Variants in H2BC18 observed in about 807,000 individuals in gnomAD.
H2BC18 encodes the protein histone H2B type 2-F.
A neutral mutation model predicts 6.3 loss-of-function variants in H2BC18; 8 were observed. The observed-to-expected ratio is 1.28, with a 90% CI of 0.75 to 2.31. H2BC18 has a LOEUF of 2.31. H2BC18 is among the 30% of genes most tolerant of loss of function. The pLI is 0.00. For missense variants in H2BC18, 106 were observed against 174.5 expected (o/e 0.61, Z 2.21); for synonymous variants, 104 against 78.1 (o/e 1.33, Z -1.75).
chr1:149,797,029 C>T (rs1553752855), intron 1 of H2BC18, among the ~76,000 whole-genome samples: 2 of 152,212 alleles, frequency 1.3e-5, no homozygotes, highest in African/African-American at 4.8e-5. Flanking sequence ...TCTCCTGCCT[C>T]AGCCTCCCAA....
chr1:149,811,744 G>A (rs2091977103), downstream of H2BC18: 1 of 676,326 alleles, frequency 1.5e-6, no homozygotes, highest in Non-Finnish European at 2.5e-6. Flanking sequence ...GATGACTGAG[G>A]GCCAACTCAT....
chr1:149,782,852 G>T, exon 2 of H2BC18: 11 of 1,373,808 alleles, frequency 8.0e-6, no homozygotes, highest in Non-Finnish European at 1.1e-5. Context: ...TCTTCCTGTG[G>T]TAACTCTGGG....
rs52819995 is a variant in H2BC18 at position 149,812,194 on chromosome 1, T to C, written c.130A>G (p.Lys44Glu). The change falls in exon 1 of 1, where the codon AAG (lysine) becomes GAG (glutamate). Residue 44 changes from lysine (K) to glutamate (E), a missense_variant. Around this residue, in one of 3 missense-constraint regions of H2BC18, gnomAD observed 70 missense variants for 64.6 expected, o/e 1.08. Coordinates refer to ENST00000369167, the MANE Select transcript of H2BC18 (RefSeq NM_001024599.5). ...TCGGGGTGGACCTGCTTCAGCACCT[T>C]GTACACGTAAACGGAGTAGCTCTCC... is the stretch of plus-strand genomic sequence containing the variant. ...RKESYSVYVY[K>E]VLKQVHPDTG... The C allele has an allele frequency of 1.2e-6, 2 of 1,614,148 alleles. No individual in the cohort carries two copies. Among genetic ancestry groups the C allele is most frequent in the East Asian group, 2.2e-5 (1 of 44,900 alleles).
chr1:149,788,635 T>A (rs1553751226), intron 1 of H2BC18: 1 of 1,613,862 alleles, frequency 6.2e-7, no homozygotes, highest in East Asian at 2.2e-5. Flanking sequence ...ATTGGAATAG[T>A]CATAGAACTG....
rs1317142824 is a variant in H2BC18 at position 149,792,694 on chromosome 1, G to A, written c.378-9434C>T. 2.0e-5 allele frequency: 26 copies of A among 1,281,798 alleles called. 1 individual carries two copies. The highest frequency in any genetic ancestry group is 1.1e-4 in the East Asian group (2 of 17,738). The allele number at this position is 1,281,798 out of a possible 1,614,324, so 79.4% of individuals were successfully genotyped here. A position where few individuals can be genotyped will look rare whatever the true frequency, so the allele number is the denominator to read the frequency against. On this transcript the variant is annotated intron_variant, in intron 1 of 1. Coordinates refer to the H2BC18 transcript ENST00000545683. ...CGCCAGCGCCCGGGGACCCAGCTGC[G>A]GCGAAAGCTGTTGGGCGCGCGCTTC... is the stretch of plus-strand genomic sequence containing the variant.
chr1:149,805,133 AAAAC>A (rs1381158276), intron 1 of H2BC18: 5 of 152,252 alleles, frequency 3.3e-5, no homozygotes, highest in Non-Finnish European at 7.3e-5. Context: ...CTAGAGGAAA[AAAAC>A]AACGACAAAA....
At chr1:149,785,408 GTTTTTTTTTTTTT>G (rs10670379) in intron 1 of H2BC18, among the ~76,000 whole-genome samples, 1 of 67,636 alleles carries the variant, frequency 1.5e-5, no homozygotes, top group East Asian at 3.8e-4. Flanking sequence ...GAGCTGTTTC[GTTTTTTTTTTTTT>G]TTTTTTTTTT....
chr1:149,793,019 G>C, intron 1 of H2BC18: 7 of 1,264,572 alleles, frequency 5.5e-6, no homozygotes, highest in Non-Finnish European at 6.1e-6. Context: ...CTCCAACCCC[G>C]CCCCGGGCCC....
chr1:149,800,358 CATTGGTGATCG>C (rs1178524817), intron 1 of H2BC18, among the ~76,000 whole-genome samples: 5 of 151,756 alleles, frequency 3.3e-5, no homozygotes, highest in Non-Finnish European at 7.4e-5. Flanking sequence ...AACCATTGGC[CATTGGTGATCG>C]GCTTAACCTT....
Position 149,812,102 on chromosome 1 carries a change from G to A in H2BC18, c.222C>T (p.Ile74=), listed in dbSNP as rs782575950. The change falls in exon 1 of 1, where the codon ATC becomes ATT. Residue 74 remains isoleucine, a synonymous_variant. Transcript: ENST00000369167. The part of the protein sequence containing the change: ...NSFVNDIFER[I]AGEASRLAHY... ...GCGCCAGGCGGGACGCCTCTCCCGC[G>A]ATGCGCTCGAAGATGTCGTTGACGA... 9 of 1,614,270 alleles carry A rather than the reference G, an allele frequency of 5.6e-6. No homozygotes were observed. In the East Asian group the frequency reaches 8.9e-5, roughly 16 times the overall value.
At chr1:149,794,034 G>T (rs782747691) in intron 1 of H2BC18, 6 of 630,246 alleles carry the variant, frequency 9.5e-6, no homozygotes, top group South Asian at 7.4e-5. Flanking sequence ...CTGGCTGGGA[G>T]GGGGCTGACG....
At chr1:149,782,866 A>C in exon 2 of H2BC18, 8 of 1,538,218 alleles carry the variant, frequency 5.2e-6, no homozygotes, top group Non-Finnish European at 6.3e-6. Flanking sequence ...CTCTGGGTAG[A>C]ACTCATGAGT....
At chr1:149,787,433 C>G (rs1553750953) in intron 1 of H2BC18, 1 of 152,166 alleles carries the variant, frequency 6.6e-6, no homozygotes, top group African/African-American at 2.4e-5. Flanking sequence ...TGACTTGGAG[C>G]TTGTTTTGCT....
At chr1:149,782,985 G>C in exon 2 of H2BC18, 1 of 606,604 alleles carries the variant, frequency 1.6e-6, no homozygotes, top group South Asian at 2.0e-5. Context: ...CCGCAGTGAA[G>C]TTTCCTTGAT....
chr1:149,801,795 T>C (rs2091874861), intron 1 of H2BC18, among the ~76,000 whole-genome samples: 1 of 152,052 alleles, frequency 6.6e-6, no homozygotes. Flanking sequence ...ATGCTTGTAA[T>C]TCATAGGTTA....
At chr1:149,792,967 T>C (rs2091749107) in intron 1 of H2BC18, 6 of 1,274,880 alleles carry the variant, frequency 4.7e-6, no homozygotes, top group Non-Finnish European at 6.1e-6. Context: ...AGTTCGGTAG[T>C]CTGCGAGGGC....
At chr1:149,802,559 G>A (rs587684901) in intron 1 of H2BC18, among the ~76,000 whole-genome samples, 1 of 152,146 alleles carries the variant, frequency 6.6e-6, no homozygotes, top group Non-Finnish European at 1.5e-5. Flanking sequence ...TAATAGATTA[G>A]ATACAGATAT....
At position 149,812,060 on chromosome 1, in the gene H2BC18, G is replaced by A. The variant is rs587626185; in HGVS notation, c.264C>T (p.Ser88=). The A allele has an allele frequency of 1.2e-6, 2 of 1,614,288 alleles. No homozygotes were observed. The highest frequency in any genetic ancestry group is 1.3e-5 in the African/African-American group (1 of 75,084). The change falls in exon 1 of 1, where the codon TCC becomes TCT. Residue 88 remains serine, a synonymous_variant. Coordinates refer to ENST00000369167, the MANE Select transcript of H2BC18 (RefSeq NM_001024599.5). The part of the protein sequence containing the change: ...ASRLAHYNKR[S]TITSREIQTA... ...TCTGGATCTCGCGGGATGTGATGGT[G>A]GAGCGCTTGTTGTAGTGCGCCAGGC...
At chr1:149,810,315 A>G, downstream of H2BC18, 1 of 152,018 alleles carries the variant, frequency 6.6e-6, no homozygotes, top group East Asian at 1.9e-4. Context: ...TTGGATTCTC[A>G]GTTATCTTTC....
Sources: gnomAD v4.1 joint callset for allele counts (sites outside exome capture counted in the v4.1 genomes callset) on GRCh38, gnomAD v4.1.1 for gene constraint, gnomAD v4.1.1 regional missense constraint, MANE v1.5 for transcripts, NCBI Gene and HGNC (gene_info 2026-07-23, HGNC 2026-07-21) for gene names.